The following FMN2 variants were observed in gnomAD, a reference collection of about 807,000 sequenced individuals.
FMN2 encodes the protein formin 2, also known as formin-2.
Under a neutral mutation model 142.3 loss-of-function variants are expected in FMN2, and 51 were observed. The observed-to-expected ratio is 0.36, with a 90% CI of 0.29 to 0.45. The LOEUF is 0.45. Ranked by LOEUF, FMN2 falls within the 20% of genes least tolerant of loss-of-function variation. FMN2 has a pLI of 1.00. For synonymous variants in FMN2, 882 were observed against 869.8 expected (o/e 1.01, Z -0.25); for missense variants, 1,936 against 2,122.8 (o/e 0.91, Z 1.73).
intron 14 of FMN2, among the ~76,000 whole-genome samples, chr1:240,378,498 T>TA (rs1218712205): frequency 6.6e-6 from 1 of 152,158 alleles, no homozygotes; most frequent in African/African-American, 2.4e-5. Context: ...ATTTAGGTGT[T>TA]TATTGTGTGT....
chr1:240,255,333 C>G (rs1417634288), intron 6 of FMN2, among the ~76,000 whole-genome samples: 1 of 152,156 alleles, frequency 6.6e-6, no homozygotes, highest in Non-Finnish European at 1.5e-5. Context: ...CCAGGTGCCT[C>G]TAGTCAGCCA....
intron 14 of FMN2, among the ~76,000 whole-genome samples, chr1:240,376,060 C>G (rs1673032599): frequency 6.6e-6 from 1 of 152,006 alleles, no homozygotes; most frequent in Admixed American, 6.6e-5. Context: ...ATCCCTTTAT[C>G]ATTATGTATT....
At position 240,330,898 on chromosome 1, in the gene FMN2, A is replaced by C. The variant is rs974263512; in HGVS notation, c.4584+149A>C. The C allele has an allele frequency of 1.1e-5, 10 of 890,848 alleles. No homozygotes were observed. In the African/African-American group the frequency reaches 1.7e-4, roughly 15 times the overall value. 55.2% of individuals were successfully genotyped at this position (890,848 alleles called of 1,614,324 possible). ...TCTGAGCTAGAAAAAAGTAATGTCC[A>C]TCAGATATTTGTGATTTTGTGATTA... On this transcript the variant is annotated intron_variant, in intron 11 of 17. Transcript: ENST00000319653.
In FMN2 at chr1:240,285,593, G is replaced by T. The variant is rs74385379; in HGVS notation, c.4154-9229G>T. ...GAGAGGTTAGGGAGAGAAAGAGCCA[G>T]CAGGGGAGACTGAGGAATGGGGAAC... is the stretch of plus-strand genomic sequence containing the variant. On this transcript the variant is annotated intron_variant, in intron 7 of 17. Coordinates refer to ENST00000319653, the MANE Select transcript of FMN2 (RefSeq NM_020066.5). Among the ~76,000 whole-genome samples, 500 of 152,164 alleles carry T rather than the reference G, an allele frequency of 3.3e-3. 23 individuals carry two copies. In the East Asian group the frequency reaches 0.088, roughly 27 times the overall value.
chr1:240,454,985 A>G (rs1266555607), intron 16 of FMN2, among the ~76,000 whole-genome samples: 1 of 152,104 alleles, frequency 6.6e-6, no homozygotes, highest in Admixed American at 6.6e-5. Flanking sequence ...AAGTGATGGT[A>G]TTATGAGGAA....
intron 14 of FMN2, among the ~76,000 whole-genome samples, chr1:240,391,288 T>G (rs996873033): frequency 3.3e-5 from 5 of 152,290 alleles, no homozygotes; most frequent in Admixed American, 6.5e-5. Context: ...GTTATGACTT[T>G]GCAGATACCA....
At chr1:240,143,365 G>T (rs1663278313) in intron 2 of FMN2, 3 of 1,460,198 alleles carry the variant, frequency 2.1e-6, no homozygotes. Context: ...GTGGCCAAAG[G>T]TTCATAGTGC....
intron 7 of FMN2, among the ~76,000 whole-genome samples, chr1:240,283,133 G>A (rs1669457153): frequency 6.6e-6 from 1 of 152,170 alleles, no homozygotes; most frequent in Admixed American, 6.5e-5. Flanking sequence ...CTGCCAAGCT[G>A]TGTTTTTCTT....
chr1:240,154,599 A>C (rs1663935050), intron 2 of FMN2: 1 of 152,096 alleles, frequency 6.6e-6, no homozygotes, highest in Non-Finnish European at 1.5e-5. Context: ...CCGCAATCCC[A>C]ATTCCATCTC....
At chr1:240,333,998 T>A (rs745964432) in intron 12 of FMN2, 52 bp downstream of exon 12, 9 of 1,579,512 alleles carry the variant, frequency 5.7e-6, no homozygotes, top group Non-Finnish European at 6.9e-6. Context: ...ATTCGTTGGA[T>A]GATTTGGCAG....
intron 15 of FMN2, among the ~76,000 whole-genome samples, chr1:240,420,598 A>G (rs1674728868): frequency 6.6e-6 from 1 of 152,184 alleles, no homozygotes; most frequent in African/African-American, 2.4e-5. Context: ...TGGTGTTCAC[A>G]CCAGGACATT....
chr1:240,329,462 G>T lies in FMN2; in HGVS notation c.4431G>T (p.Leu1477Phe). The T allele has an allele frequency of 3.1e-6, 5 of 1,613,826 alleles. No homozygotes were observed. Among genetic ancestry groups the T allele is most frequent in the Non-Finnish European group, 4.2e-6 (5 of 1,179,872 alleles). Residue 1477 changes from leucine to phenylalanine, a missense_variant, in exon 10 of 18, where the codon TTG (leucine) becomes TTT (phenylalanine). Leu to Phe is a conservative substitution (Grantham distance 22, BLOSUM62 0). Transcript: ENST00000319653. ...IRRKLELLQK[L>F]CETLKNGPGV... ...GCAAACTGGAATTACTACAGAAATT[G>T]TGTGAGGTGAGTTCTGGTCCAAAGA...
chr1:240,301,595 T>A (rs899960833), intron 8 of FMN2, among the ~76,000 whole-genome samples: 2 of 151,904 alleles, frequency 1.3e-5, no homozygotes, highest in Non-Finnish European at 2.9e-5. Flanking sequence ...GAATTTTTTT[T>A]ATCTCACCTT....
chr1:240,261,818 G>A (rs973952115), intron 7 of FMN2, among the ~76,000 whole-genome samples: 16 of 152,176 alleles, frequency 1.1e-4, no homozygotes, highest in African/African-American at 3.9e-4. Flanking sequence ...GGCCTGAGCT[G>A]CTGGCTATTT....
intron 16 of FMN2, among the ~76,000 whole-genome samples, chr1:240,439,687 A>T (rs930675022): frequency 6.6e-6 from 1 of 152,224 alleles, no homozygotes; most frequent in Admixed American, 6.5e-5. Flanking sequence ...CAGTTACATT[A>T]TATGCAGGTG....
At position 240,093,344 on chromosome 1, in the gene FMN2, C is replaced by T. The variant is rs755620586; in HGVS notation, c.1235C>T (p.Pro412Leu). The T allele has an allele frequency of 1.9e-6, 3 of 1,613,258 alleles. No individual in the cohort carries two copies. Among genetic ancestry groups the T allele is most frequent in the Non-Finnish European group, 2.5e-6 (3 of 1,179,610 alleles). Residue 412 changes from proline to leucine, a missense_variant, in exon 1 of 18, where the codon CCG becomes CTG. Transcript: ENST00000319653. ...AGCCAGCGCTGTTTCAAGCCCTACC[C>T]GCTCATCACCCCCTGCTACATCAAG... ...APSQRCFKPY[P>L]LITPCYIKTT...
rs1666046080 is a variant in FMN2, at chr1:240,199,395, T to C, written c.1987-7404T>C. Among the ~76,000 whole-genome samples, 4 of 152,216 alleles carry C rather than the reference T, an allele frequency of 2.6e-5. 1 individual carries two copies. The South Asian group carries it at 8.3e-4, about 31-fold the overall frequency. On this transcript the variant is annotated intron_variant, in intron 4 of 17. Transcript: ENST00000319653. Reference sequence around the variant, plus strand: ...AATAAACATAATAAAGTTTCAAAGATGAGCAAATTAACTTTTCAGCAAAAG... The same window carrying C: ...AATAAACATAATAAAGTTTCAAAGACGAGCAAATTAACTTTTCAGCAAAAG...
chr1:240,431,402 T>TTTTATATATATACATATATATA (rs1293874318), intron 15 of FMN2, among the ~76,000 whole-genome samples: 2 of 139,210 alleles, frequency 1.4e-5, no homozygotes, highest in African/African-American at 5.5e-5. Context: ...CAACCATGTT[T>TTTTATATATATACATATATATA]TATATATATA....
At chr1:240,098,683 C>T (rs568435824) in intron 1 of FMN2, among the ~76,000 whole-genome samples, 63 of 152,252 alleles carry the variant, frequency 4.1e-4, no homozygotes, top group African/African-American at 1.5e-3. Context: ...AAGCGGGGAC[C>T]AGAACACTGA....
Sources: allele counts gnomAD v4.1 joint callset (sites outside exome capture counted in the v4.1 genomes callset), GRCh38; gene constraint gnomAD v4.1.1; transcripts MANE v1.5; gene names NCBI Gene and HGNC (gene_info 2026-07-23, HGNC 2026-07-21).